The following SLC30A8 variants were observed in gnomAD, a reference collection of about 807,000 sequenced individuals.
SLC30A8 encodes the protein proton-coupled zinc antiporter SLC30A8.
Under a neutral mutation model 36.9 loss-of-function variants are expected in SLC30A8, and 27 were observed. The observed-to-expected ratio is 0.73, with a 90% CI of 0.54 to 1.01. SLC30A8 has a LOEUF of 1.01. SLC30A8 is among the 50% of genes least tolerant of loss of function. The probability of loss-of-function intolerance (pLI) is 0.00; values close to 1 mark genes in which losing one functional copy is unlikely to be tolerated. For synonymous variants in SLC30A8, 164 were observed against 172.4 expected (o/e 0.95, Z 0.38); for missense variants, 439 against 452.0 (o/e 0.97, Z 0.26).
At chr8:117,115,000 C>G (rs965621707) in intron 2 of SLC30A8, among the ~76,000 whole-genome samples, 5 of 152,064 alleles carry the variant, frequency 3.3e-5, no homozygotes, top group African/African-American at 1.2e-4. Flanking sequence ...GCTCAAACTC[C>G]TGGGCTCAGG....
intron 2 of SLC30A8, among the ~76,000 whole-genome samples, chr8:117,075,010 A>G (rs1213473075): frequency 6.6e-6 from 1 of 152,182 alleles, no homozygotes; most frequent in Non-Finnish European, 1.5e-5. Context: ...AACCAACAGC[A>G]ACAGTCAATA....
intron 1 of SLC30A8, among the ~76,000 whole-genome samples, chr8:116,992,868 A>C (rs1341567483): frequency 6.6e-6 from 1 of 152,206 alleles, no homozygotes; most frequent in Non-Finnish European, 1.5e-5. Context: ...ATAGAGCATA[A>C]GAAGTGATCC....
At chr8:117,080,039 G>A (rs1818619842) in intron 2 of SLC30A8, among the ~76,000 whole-genome samples, 1 of 152,116 alleles carries the variant, frequency 6.6e-6, no homozygotes, top group South Asian at 2.1e-4. Context: ...TTAAAGTAAG[G>A]AAATGGAGTA....
chr8:116,979,238 CAAAAAAAAAAAAAA>C (rs67998633), intron 1 of SLC30A8, among the ~76,000 whole-genome samples: 6 of 64,308 alleles, frequency 9.3e-5, no homozygotes, highest in Non-Finnish European at 1.7e-4. Flanking sequence ...GACCCTGTCT[CAAAAAAAAAAAAAA>C]AAAAAAAAAA....
At chr8:117,087,744 G>A (rs1363268868) in intron 2 of SLC30A8, among the ~76,000 whole-genome samples, 1 of 152,074 alleles carries the variant, frequency 6.6e-6, no homozygotes, top group Non-Finnish European at 1.5e-5. Context: ...TCTCATAATA[G>A]GGTAGGTGGC....
chr8:117,022,466 G>GA lies in SLC30A8; in HGVS notation c.-265-16752dup, dbSNP rs551109628. 9.8e-4 allele frequency among the ~76,000 whole-genome samples: 149 copies of GA among 152,306 alleles called. No homozygotes were observed. The Middle Eastern group carries it at 0.014, about 14-fold the overall frequency. ...TTTAGTGTCCCTCTTATAAACCAGA[G>GA]ATCACTACTGGATTCAATGATAAAT... On this transcript the variant is annotated intron_variant, in intron 1 of 10. Coordinates refer to the SLC30A8 transcript ENST00000427715.
chr8:116,958,182 C>T (rs956385132), intron 1 of SLC30A8, among the ~76,000 whole-genome samples: 1 of 152,230 alleles, frequency 6.6e-6, no homozygotes, highest in South Asian at 2.1e-4. Context: ...TTATTCTGCA[C>T]ATGGGCCCTC....
intron 2 of SLC30A8, among the ~76,000 whole-genome samples, chr8:117,128,930 G>A (rs932654329): frequency 1.3e-5 from 2 of 151,942 alleles, no homozygotes; most frequent in African/African-American, 4.8e-5. Context: ...GAAAGAATTC[G>A]AACTCACAGC....
At chr8:117,131,735 G>A (rs1821146178), upstream of SLC30A8, among the ~76,000 whole-genome samples, 2 of 151,896 alleles carry the variant, frequency 1.3e-5, no homozygotes, top group Admixed American at 6.6e-5. Flanking sequence ...ACTTAGACAT[G>A]GCCCAGTGTA....
intron 1 of SLC30A8, among the ~76,000 whole-genome samples, chr8:117,006,292 T>C (rs1816169118): frequency 6.6e-6 from 1 of 152,186 alleles, no homozygotes; most frequent in Non-Finnish European, 1.5e-5. Context: ...GTTGATTCAG[T>C]GGTTTAATGT....
intron 2 of SLC30A8, among the ~76,000 whole-genome samples, chr8:117,115,917 G>C (rs1369697757): frequency 6.6e-6 from 1 of 152,094 alleles, no homozygotes; most frequent in East Asian, 1.9e-4. Flanking sequence ...TTTGGGACTT[G>C]TCTGGAAGTT....
chr8:116,974,346 A>G (rs1163714696), intron 1 of SLC30A8, among the ~76,000 whole-genome samples: 1 of 152,188 alleles, frequency 6.6e-6, no homozygotes, highest in Non-Finnish European at 1.5e-5. Flanking sequence ...TTTACAAGAA[A>G]ATAAACAACC....
chr8:117,131,307 AC>A (rs764943770), upstream of SLC30A8, among the ~76,000 whole-genome samples: 149 of 152,146 alleles, frequency 9.8e-4, no homozygotes, highest in Non-Finnish European at 1.7e-3. Context: ...CCTCTGAAAT[AC>A]TCACACTGTA....
At chr8:117,088,263 A>G (rs1437814799) in intron 2 of SLC30A8, among the ~76,000 whole-genome samples, 1 of 152,186 alleles carries the variant, frequency 6.6e-6, no homozygotes. Flanking sequence ...CCCCTCTACT[A>G]TACAAATGTA....
chr8:117,132,465 G>A (rs1821174172), upstream of SLC30A8, among the ~76,000 whole-genome samples: 1 of 152,124 alleles, frequency 6.6e-6, no homozygotes, highest in South Asian at 2.1e-4. Flanking sequence ...GTTACTCCAA[G>A]CTTGTGAAGG....
intron 2 of SLC30A8, among the ~76,000 whole-genome samples, chr8:117,053,010 G>T (rs1222998412): frequency 6.6e-6 from 1 of 151,364 alleles, no homozygotes; most frequent in Non-Finnish European, 1.5e-5. Flanking sequence ...AGGTTCAAAC[G>T]ATTCTTCTGC....
At chr8:117,096,440 A>G (rs939089089) in intron 2 of SLC30A8, among the ~76,000 whole-genome samples, 9 of 152,200 alleles carry the variant, frequency 5.9e-5, no homozygotes, top group South Asian at 2.1e-4. Flanking sequence ...ATGGAACCCA[A>G]TTGGTTCTAT....
At chr8:117,022,905 C>T (rs1273002749) in intron 1 of SLC30A8, among the ~76,000 whole-genome samples, 1 of 152,130 alleles carries the variant, frequency 6.6e-6, no homozygotes, top group African/African-American at 2.4e-5. Flanking sequence ...AGAGCTTCTG[C>T]ACAGCAAAAG....
chr8:116,984,329 G>T (rs747006747), intron 1 of SLC30A8, among the ~76,000 whole-genome samples: 83 of 152,070 alleles, frequency 5.5e-4, no homozygotes, highest in Non-Finnish European at 1.0e-3. Flanking sequence ...AAATATCCAG[G>T]AGTACAACTG....
Sources: gnomAD v4.1 joint callset for allele counts (sites outside exome capture counted in the v4.1 genomes callset) on GRCh38, gnomAD v4.1.1 for gene constraint, MANE v1.5 for transcripts, NCBI Gene and HGNC (gene_info 2026-07-23, HGNC 2026-07-21) for gene names.